The following SNX24 variants were observed in gnomAD, a reference collection of about 807,000 sequenced individuals.
The protein encoded by SNX24 is sorting nexin-24.
A neutral mutation model predicts 28.7 loss-of-function variants in SNX24; 22 were observed. The ratio of observed to expected loss-of-function variants is 0.77; its 90% CI spans 0.55 to 1.10. SNX24 has a LOEUF of 1.10. Among genes scored for constraint, SNX24 ranks in the 50% least tolerant of loss-of-function variants. The pLI is 0.00. For missense variants in SNX24, 221 were observed against 201.1 expected (o/e 1.10, Z -0.60); for synonymous variants, 69 against 71.5 (o/e 0.96, Z 0.18).
chr5:122,871,595 C>T (rs966143498), intron 1 of SNX24, among the ~76,000 whole-genome samples: 3 of 152,042 alleles, frequency 2.0e-5, no homozygotes, highest in Non-Finnish European at 4.4e-5. Flanking sequence ...TGGTGAAACC[C>T]CCGTCTCTAC....
chr5:122,852,294 CTGAG>C (rs1449859455), intron 1 of SNX24, among the ~76,000 whole-genome samples: 1 of 151,638 alleles, frequency 6.6e-6, no homozygotes, highest in Admixed American at 6.6e-5. Context: ...GTCCGAGACA[CTGAG>C]TGAGGGAGCC....
At chr5:122,873,745 T>A (rs2150053945) in intron 1 of SNX24, among the ~76,000 whole-genome samples, 1 of 151,712 alleles carries the variant, frequency 6.6e-6, no homozygotes, top group East Asian at 1.9e-4. Context: ...CTCTCTTTCA[T>A]CTTTCAAAGG....
intron 1 of SNX24, among the ~76,000 whole-genome samples, chr5:122,936,198 G>A (rs1369981681): frequency 6.6e-6 from 1 of 152,132 alleles, no homozygotes; most frequent in African/African-American, 2.4e-5. Flanking sequence ...ACTACATTTT[G>A]CCTGTTTTGC....
intron 1 of SNX24, among the ~76,000 whole-genome samples, chr5:122,933,265 G>T (rs1177452586): frequency 6.6e-6 from 1 of 152,134 alleles, no homozygotes; most frequent in Non-Finnish European, 1.5e-5. Context: ...CCAGCTTTTG[G>T]ACACAGGCAC....
intron 3 of SNX24, among the ~76,000 whole-genome samples, chr5:122,997,410 C>T (rs1009074849): frequency 6.6e-5 from 10 of 152,136 alleles, no homozygotes; most frequent in Admixed American, 1.3e-4. Context: ...GTATATCTTA[C>T]GTAAAGCAAT....
At chr5:122,969,234 G>T (rs556356149) in intron 3 of SNX24, among the ~76,000 whole-genome samples, 6 of 152,240 alleles carry the variant, frequency 3.9e-5, no homozygotes, top group Admixed American at 3.3e-4. Flanking sequence ...CATTCAGAAT[G>T]TGTCCACCTC....
intron 1 of SNX24, among the ~76,000 whole-genome samples, chr5:122,924,614 A>G (rs1758596963): frequency 6.6e-6 from 1 of 152,190 alleles, no homozygotes; most frequent in African/African-American, 2.4e-5. Context: ...GATCACAGCT[A>G]AGGGGGGACT....
chr5:122,979,585 G>A (rs1761311087), intron 3 of SNX24, among the ~76,000 whole-genome samples: 1 of 152,212 alleles, frequency 6.6e-6, no homozygotes, highest in South Asian at 2.1e-4. Context: ...ATGCCCTGGT[G>A]CTTTTAAAGA....
At chr5:122,904,959 T>C (rs971256011) in intron 1 of SNX24, among the ~76,000 whole-genome samples, 1 of 152,218 alleles carries the variant, frequency 6.6e-6, no homozygotes, top group African/African-American at 2.4e-5. Flanking sequence ...AGTCAGCTTC[T>C]AGCAGGCCTG....
intron 1 of SNX24, among the ~76,000 whole-genome samples, chr5:122,874,569 C>T (rs1331497223): frequency 1.3e-5 from 2 of 152,126 alleles, no homozygotes; most frequent in African/African-American, 2.4e-5. Flanking sequence ...GAGTGCTGAT[C>T]GATGTGCGGC....
chr5:123,016,024 T>C (rs1358913556), intron 5 of SNX24, among the ~76,000 whole-genome samples: 1 of 152,254 alleles, frequency 6.6e-6, no homozygotes, highest in Non-Finnish European at 1.5e-5. Context: ...TACCTAGTTA[T>C]AGTAACTTTT....
At chr5:122,878,069 G>C (rs1057282617) in intron 1 of SNX24, among the ~76,000 whole-genome samples, 5 of 152,188 alleles carry the variant, frequency 3.3e-5, no homozygotes. Flanking sequence ...TGACCTGGGA[G>C]GGTCCAGTAC....
intron 3 of SNX24, among the ~76,000 whole-genome samples, chr5:122,947,814 A>G (rs1237670901): frequency 2.6e-5 from 4 of 152,228 alleles, no homozygotes; most frequent in African/African-American, 9.6e-5. Flanking sequence ...ATGATATTGT[A>G]TATCTTCAAG....
rs776755406 is a variant in SNX24, at chr5:122,907,225, T to C, written c.61-29509T>C. ...TGAGTATTTCATTTTTATACTCACC[T>C]ATTTATAGCAAGTGATACTGGCTTC... On this transcript the variant is annotated intron_variant, in intron 1 of 6. Transcript: ENST00000261369. Among the ~76,000 whole-genome samples the C allele has an allele frequency of 6.0e-4, 92 of 152,214 alleles. 1 individual carries two copies. Among genetic ancestry groups the C allele is most frequent in the Non-Finnish European group, 1.1e-3 (75 of 68,044 alleles).
chr5:122,853,115 CTTTTTTTT>C (rs10530519), intron 1 of SNX24, among the ~76,000 whole-genome samples: 14 of 71,614 alleles, frequency 2.0e-4, no homozygotes, highest in South Asian at 6.1e-4. Context: ...GTTCTTTAGC[CTTTTTTTT>C]TTTTTTTTTT....
chr5:122,898,975 A>G (rs189754514), intron 1 of SNX24, among the ~76,000 whole-genome samples: 75 of 152,344 alleles, frequency 4.9e-4, no homozygotes, highest in African/African-American at 1.7e-3. Flanking sequence ...GAGGGTGTCT[A>G]GAGGCTTACA....
intron 1 of SNX24, among the ~76,000 whole-genome samples, chr5:122,911,295 T>C (rs1387577879): frequency 6.6e-6 from 1 of 152,228 alleles, no homozygotes; most frequent in African/African-American, 2.4e-5. Context: ...TCATATCCTT[T>C]GCCCACTTTT....
chr5:123,002,965 T>G (rs1045891305), intron 6 of SNX24, among the ~76,000 whole-genome samples: 5 of 152,226 alleles, frequency 3.3e-5, no homozygotes, highest in Non-Finnish European at 7.3e-5. Context: ...ACTTGTCCAC[T>G]CTCAGATGGT....
chr5:122,901,912 T>C (rs1185032622), intron 1 of SNX24, among the ~76,000 whole-genome samples: 1 of 152,276 alleles, frequency 6.6e-6, no homozygotes, highest in African/African-American at 2.4e-5. Context: ...ATCCCAAAAC[T>C]GATTGCATTA....
Sources: allele counts gnomAD v4.1 joint callset (sites outside exome capture counted in the v4.1 genomes callset), GRCh38; gene constraint gnomAD v4.1.1; transcripts MANE v1.5; gene names NCBI Gene and HGNC (gene_info 2026-07-23, HGNC 2026-07-21).